Variants in ALMS1 observed in about 807,000 individuals in gnomAD.
ALMS1 encodes ALMS1 centrosome and basal body associated protein.
Under a neutral mutation model 352.2 loss-of-function variants are expected in ALMS1, and 271 were observed. The ratio of observed to expected loss-of-function variants is 0.77; its 90% CI spans 0.70 to 0.85. The LOEUF (loss-of-function observed/expected upper bound fraction) is 0.85, where lower values mean the gene tolerates loss of function less well. ALMS1 is among the 40% of genes least tolerant of loss of function. The pLI, the probability that ALMS1 is intolerant of heterozygous loss-of-function variation, is 0.00. For synonymous variants in ALMS1, 1,865 were observed against 1,761.2 expected (o/e 1.06, Z -1.48); for missense variants, 5,445 against 4,870.7 (o/e 1.12, Z -3.51).
At chr2:73,494,538 G>C (rs1259155079) in intron 10 of ALMS1, among the ~76,000 whole-genome samples, 1 of 152,090 alleles carries the variant, frequency 6.6e-6, no homozygotes, top group East Asian at 1.9e-4. Context: ...CATTTTAGTT[G>C]TCATGTCTTA....
intron 1 of ALMS1, among the ~76,000 whole-genome samples, chr2:73,396,303 TACACACACAC>T (rs757567739): frequency 1.5e-4 from 21 of 144,068 alleles, no homozygotes; most frequent in Non-Finnish European, 2.5e-4. Context: ...GTCATAGAAA[TACACACACAC>T]ACACACACAC....
chr2:73,484,442 C>A (rs933527851), intron 9 of ALMS1, among the ~76,000 whole-genome samples: 4 of 151,488 alleles, frequency 2.6e-5, no homozygotes, highest in African/African-American at 7.3e-5. Flanking sequence ...CCGAGAGATC[C>A]GCTGTTAGTC....
At chr2:73,541,128 C>A (rs1674168643) in intron 12 of ALMS1, among the ~76,000 whole-genome samples, 1 of 152,166 alleles carries the variant, frequency 6.6e-6, no homozygotes, top group Non-Finnish European at 1.5e-5. Context: ...GGAAGTAAAG[C>A]ACTCCTCAGC....
intron 15 of ALMS1, 67 bp from the exon 16 acceptor site, chr2:73,572,195 G>C (rs908236867): frequency 5.3e-6 from 7 of 1,324,740 alleles, no homozygotes; most frequent in Non-Finnish European, 7.3e-6. Flanking sequence ...AAAGAATTGT[G>C]AATAGTATTT....
chr2:73,484,202 C>T lies in ALMS1; in HGVS notation c.7675-5432C>T, dbSNP rs1213958099. Among the ~76,000 whole-genome samples, 32 of 151,692 alleles carry T rather than the reference C, an allele frequency of 2.1e-4. No individual in the cohort carries two copies. In the East Asian group the frequency reaches 2.9e-3, roughly 14 times the overall value. ...TTTACATTTTGGCATGATTTTGCAG[C>T]GGCTGGTACTGGTTGTTCCTTTCCA... On this transcript the variant is annotated intron_variant, in intron 9 of 22. Coordinates refer to ENST00000613296, the MANE Select transcript of ALMS1 (RefSeq NM_001378454.1).
chr2:73,557,135 T>C, intron 13 of ALMS1, 85 bp from the exon 14 acceptor site: 16 of 1,581,892 alleles, frequency 1.0e-5, no homozygotes, highest in African/African-American at 1.3e-5. Context: ...GTTTGGGGTT[T>C]TGTTTGTAAT....
At chr2:73,426,329 A>G (rs754879042) in intron 5 of ALMS1, 124 bp from the exon 6 acceptor site, 6 of 922,878 alleles carry the variant, frequency 6.5e-6, no homozygotes, top group South Asian at 5.3e-5. Context: ...TGCATCATTA[A>G]TTGCAGTCGC....
At chr2:73,460,128 T>C (rs913441629) in intron 9 of ALMS1, among the ~76,000 whole-genome samples, 1 of 152,156 alleles carries the variant, frequency 6.6e-6, no homozygotes, top group Non-Finnish European at 1.5e-5. Flanking sequence ...TTTACTTGTT[T>C]AAACTCCCTT....
rs565650750 is a variant in ALMS1 at position 73,607,073 on chromosome 2, TC to T, written c.12363-1401del. Among the ~76,000 whole-genome samples, 189 of 152,262 alleles carry T rather than the reference TC, an allele frequency of 1.2e-3. 1 individual carries two copies. The highest frequency in any genetic ancestry group is 3.9e-3 in the African/African-American group (162 of 41,542). ...AAAAGTAGAAAAAAGAAAATGAATATCACTTATCATCCTTCCATCTAATGGA... is the reference window on the plus strand; with the variant it reads ...AAAAGTAGAAAAAAGAAAATGAATATACTTATCATCCTTCCATCTAATGGA... On this transcript the variant is annotated intron_variant, in intron 21 of 22. Transcript: ENST00000613296.
rs1006072943 is a variant in ALMS1 at position 73,500,226 on chromosome 2, A to C, written c.9539+8728A>C. On this transcript the variant is annotated intron_variant, in intron 10 of 22. Transcript: ENST00000613296. Reference sequence around the variant, plus strand: ...TTTTTGTTTTAGCAGACAATGACCCAACTAGTTTCAGGTTAAAAATTCCAG... The same window carrying C: ...TTTTTGTTTTAGCAGACAATGACCCCACTAGTTTCAGGTTAAAAATTCCAG... Among the ~76,000 whole-genome samples the C allele has an allele frequency of 5.9e-5, 9 of 152,322 alleles. 1 individual carries two copies. In the East Asian group the frequency reaches 9.6e-4, roughly 16 times the overall value.
chr2:73,469,052 C>T (rs1285302701), intron 9 of ALMS1, among the ~76,000 whole-genome samples: 1 of 151,926 alleles, frequency 6.6e-6, no homozygotes, highest in African/African-American at 2.4e-5. Flanking sequence ...CCACACTGTA[C>T]CCAATGATTT....
At chr2:73,425,822 AG>A (rs1671366559) in intron 5 of ALMS1, among the ~76,000 whole-genome samples, 1 of 152,214 alleles carries the variant, frequency 6.6e-6, no homozygotes, top group South Asian at 2.1e-4. Flanking sequence ...TTGCATAAAA[AG>A]GGTAATAATG....
At chr2:73,545,236 A>G (rs1674289179) in intron 12 of ALMS1, among the ~76,000 whole-genome samples, 1 of 150,088 alleles carries the variant, frequency 6.7e-6, no homozygotes, top group East Asian at 2.0e-4. Context: ...GCTGGAGTAC[A>G]GTGGCACAAT....
intron 7 of ALMS1, among the ~76,000 whole-genome samples, chr2:73,447,354 AACTCTTC>A (rs1463471336): frequency 6.6e-6 from 1 of 152,144 alleles, no homozygotes; most frequent in Non-Finnish European, 1.5e-5. Context: ...ATTAAGTTAA[AACTCTTC>A]AGAGTAACCT....
intron 7 of ALMS1, among the ~76,000 whole-genome samples, chr2:73,444,595 T>G (rs1671772784): frequency 6.6e-6 from 1 of 152,226 alleles, no homozygotes; most frequent in Admixed American, 6.5e-5. Context: ...TTTTGTGTTA[T>G]AAAACAGTGC....
intron 12 of ALMS1, among the ~76,000 whole-genome samples, chr2:73,545,265 C>T (rs572324208): frequency 3.3e-4 from 50 of 151,304 alleles, no homozygotes; most frequent in African/African-American, 1.1e-3. Context: ...ACTGCAGCCT[C>T]CGCCTCCCAG....
chr2:73,503,283 G>A (rs2103924011), intron 10 of ALMS1, among the ~76,000 whole-genome samples: 1 of 151,538 alleles, frequency 6.6e-6, no homozygotes, highest in African/African-American at 2.4e-5. Flanking sequence ...AGAGTGTGAT[G>A]TTCCCCTTCC....
chr2:73,591,271 A>G lies in ALMS1; in HGVS notation c.11548-8130A>G, dbSNP rs182145868. ...TTACTTTTGATACTTTTTGAGGGAT[A>G]TGGAAGCTTTAAGCTTTAATTTAAG... On this transcript the variant is annotated intron_variant, in intron 16 of 22. Coordinates refer to ENST00000613296, the MANE Select transcript of ALMS1 (RefSeq NM_001378454.1). Among the ~76,000 whole-genome samples, 174 of 152,344 alleles carry G rather than the reference A, an allele frequency of 1.1e-3. 1 individual carries two copies. Among genetic ancestry groups the G allele is most frequent in the African/African-American group, 3.5e-3 (147 of 41,592 alleles).
intron 9 of ALMS1, among the ~76,000 whole-genome samples, chr2:73,471,450 G>A (rs1320686252): frequency 1.6e-5 from 2 of 124,358 alleles, no homozygotes; most frequent in African/African-American, 6.5e-5. Flanking sequence ...CTAATGAGGG[G>A]TTAATATCCA....
Sources: gnomAD v4.1 joint callset for allele counts (sites outside exome capture counted in the v4.1 genomes callset) on GRCh38, gnomAD v4.1.1 for gene constraint, MANE v1.5 for transcripts, NCBI Gene and HGNC (gene_info 2026-07-23, HGNC 2026-07-21) for gene names.